The following CYP26C1 variants were observed in gnomAD, a reference collection of about 807,000 sequenced individuals.
The protein encoded by CYP26C1 is cytochrome P450 family 26 subfamily C member 1.
A neutral mutation model predicts 39.1 loss-of-function variants in CYP26C1; 41 were observed. The observed-to-expected ratio is 1.05, with a 90% confidence interval of 0.82 to 1.36. CYP26C1 has a LOEUF of 1.36. Ranked by LOEUF, CYP26C1 falls within the 40% of genes most tolerant of loss-of-function variation. The pLI is 0.00. For missense variants in CYP26C1, 833 were observed against 752.0 expected, an observed-to-expected ratio of 1.11 and a Z score of -1.26; for synonymous variants, 362 against 350.8, an observed-to-expected ratio of 1.03 and a Z score of -0.36.
At chr10:93,062,361 G>A (rs1271694811) in intron 2 of CYP26C1, 127 bp downstream of exon 2, 3 of 1,018,020 alleles carry the variant, frequency 2.9e-6, no homozygotes, top group Non-Finnish European at 4.2e-6. Context: ...GTAACTAGCG[G>A]GTGGCCTTGG....
At chr10:93,068,229 C>T (rs1846851533) in intron 5 of CYP26C1, 91 bp from the exon 6 acceptor site, 2 of 1,404,942 alleles carry the variant, frequency 1.4e-6, no homozygotes, top group Admixed American at 2.9e-5. Context: ...TTTTCGGAAG[C>T]CTGATGGAAG....
At chr10:93,061,577 T>C in intron 1 of CYP26C1, 110 bp downstream of exon 1, 1 of 1,364,700 alleles carries the variant, frequency 7.3e-7, no homozygotes, top group Non-Finnish European at 1.0e-6. Flanking sequence ...TCCCTGCCCA[T>C]CGCCCACGAC....
intron 3 of CYP26C1, 129 bp downstream of exon 3, chr10:93,063,124 CG>C: frequency 7.0e-7 from 1 of 1,424,810 alleles, no homozygotes; most frequent in Non-Finnish European, 9.1e-7. Flanking sequence ...CGGCAGGGCC[CG>C]GGGGTGGGAG....
chr10:93,063,602 C>T (rs1259598306), intron 3 of CYP26C1: 26 of 985,614 alleles, frequency 2.6e-5, no homozygotes, highest in Non-Finnish European at 3.0e-5. Context: ...TGGGACTTCC[C>T]ACTGTTTGAT....
Position 93,068,900 on chromosome 10 carries a change from C to G in CYP26C1, c.*203C>G. 1 of 921,594 alleles carries G rather than the reference C, an allele frequency of 1.1e-6. No homozygotes were observed. The highest frequency in any genetic ancestry group is 3.1e-5 in the East Asian group (1 of 32,320). 57.1% of individuals were successfully genotyped at this position (921,594 alleles called of 1,614,324 possible). On this transcript the variant is annotated 3_prime_UTR_variant, in exon 6 of 6. Coordinates refer to ENST00000651965, the MANE Select transcript of CYP26C1 (RefSeq NM_183374.3). ...CACCGCTGCCGCGCCAGAGAAGCAT[C>G]TAAGCCCATGGGAAGATGCCTTCTG...
Position 93,061,287 on chromosome 10 carries a change from C to T in CYP26C1, c.24C>T (p.Cys8=), listed in dbSNP as rs1220486359. 6.3e-6 allele frequency: 10 copies of T among 1,591,722 alleles called. No homozygotes were observed. Among genetic ancestry groups the T allele is most frequent in the Non-Finnish European group, 8.5e-6 (10 of 1,170,610 alleles). ...TCATGTTCCCTTGGGGGCTGAGCTG[C>T]CTGTCAGTGCTGGGGGCGGCGGGCA... The part of the protein sequence containing the change: MFPWGLS[C]LSVLGAAGTA... The change falls in exon 1 of 6, where the codon TGC becomes TGT. Residue 8 remains cysteine (C), a synonymous_variant. Coordinates refer to ENST00000651965, the MANE Select transcript of CYP26C1 (RefSeq NM_183374.3).
chr10:93,066,074 T>C lies in CYP26C1; in HGVS notation c.980T>C (p.Val327Ala). The change falls in exon 5 of 6, where the codon GTG becomes GCG. Residue 327 changes from valine (V) to alanine (A), a missense_variant. Val to Ala is a moderately conservative substitution (Grantham distance 64). Transcript: ENST00000651965. ...AAIAKIREEL[V>A]AQGLGRACGC... ...ATCGCCAAGATTCGGGAGGAGCTGG[T>C]GGCGCAGGGGCTGGGGCGCGCGTGC... 1.3e-6 allele frequency: 2 copies of C among 1,483,226 alleles called. No individual in the cohort carries two copies. Among genetic ancestry groups the C allele is most frequent in the Non-Finnish European group, 1.8e-6 (2 of 1,119,784 alleles). 91.9% of individuals were successfully genotyped at this position (1,483,226 alleles called of 1,614,324 possible). A position where few individuals can be genotyped will look rare whatever the true frequency, so the allele number is the denominator to read the frequency against.
Position 93,061,231 on chromosome 10 carries a change from C to A in CYP26C1, c.-33C>A, listed in dbSNP as rs1484902851. The A allele has an allele frequency of 1.3e-6, 2 of 1,542,624 alleles. No individual in the cohort carries two copies. The highest frequency in any genetic ancestry group is 1.7e-6 in the Non-Finnish European group (2 of 1,146,964). ...GTTCTTGCGTCCCCTGCTCTCCCTG[C>A]GCTCTGAGCGGCCTGGCCCCCGCGG... On this transcript the variant is annotated 5_prime_UTR_variant, in exon 1 of 6. Transcript: ENST00000651965.
At position 93,069,053 on chromosome 10, in the gene CYP26C1, A is replaced by G; in HGVS notation, c.*356A>G. ...TCCAGGGAGGGTGCATGGATGGGGG[A>G]AGGCGAGGTAGGGGTGGCAGGGGAG... is the stretch of plus-strand genomic sequence containing the variant. On this transcript the variant is annotated 3_prime_UTR_variant, in exon 6 of 6. Transcript: ENST00000651965. 1 of 219,018 alleles carries G rather than the reference A, an allele frequency of 4.6e-6. No individual in the cohort carries two copies. Among genetic ancestry groups the G allele is most frequent in the Non-Finnish European group, 8.9e-6 (1 of 112,088 alleles). 13.6% of individuals were successfully genotyped at this position (219,018 alleles called of 1,614,324 possible). A position where few individuals can be genotyped will look rare whatever the true frequency, so the allele number is the denominator to read the frequency against.
In CYP26C1 at chr10:93,069,071, C is replaced by T. The variant is rs1251413316; in HGVS notation, c.*374C>T. On this transcript the variant is annotated 3_prime_UTR_variant, in exon 6 of 6. Coordinates refer to ENST00000651965, the MANE Select transcript of CYP26C1 (RefSeq NM_183374.3). ...ATGGGGGAAGGCGAGGTAGGGGTGGCAGGGGAGTGGGAATATTGCAACTCG... is the reference window on the plus strand; with the variant it reads ...ATGGGGGAAGGCGAGGTAGGGGTGGTAGGGGAGTGGGAATATTGCAACTCG... 1 of 195,986 alleles carries T rather than the reference C, an allele frequency of 5.1e-6. No individual in the cohort carries two copies. Among genetic ancestry groups the T allele is most frequent in the Non-Finnish European group, 1.0e-5 (1 of 97,298 alleles). 12.1% of individuals were successfully genotyped at this position (195,986 alleles called of 1,614,324 possible).
chr10:93,062,809 C>T lies in CYP26C1; in HGVS notation c.519C>T (p.Cys173=), dbSNP rs772184784. The T allele has an allele frequency of 6.4e-7, 1 of 1,553,888 alleles. No individual in the cohort carries two copies. Among genetic ancestry groups the T allele is most frequent in the South Asian group, 1.2e-5 (1 of 86,042 alleles). Reference sequence around the variant, plus strand: ...TGCGGCATGAGGTGCGCTCCTGGTGCGCGGCGGGCGGGCCGGTCTCAGTCT... The same window carrying T: ...TGCGGCATGAGGTGCGCTCCTGGTGTGCGGCGGGCGGGCCGGTCTCAGTCT... ...GALRHEVRSW[C]AAGGPVSVYD... The change falls in exon 3 of 6, where the codon TGC becomes TGT. Residue 173 remains cysteine (C), a synonymous_variant. Transcript: ENST00000651965.
At position 93,064,527 on chromosome 10, in the gene CYP26C1, G is replaced by T; in HGVS notation, c.852G>T (p.Gln284His). The stretch of plus-strand genomic sequence containing the variant: ...AGCTGGGCCATGAGCCCTCCATGCA[G>T]GAGCTGAAGGTAGGTGCTGACAGGC... ...ARELGHEPSMQELKESAVELL... is the reference protein window; with the variant it reads ...ARELGHEPSMHELKESAVELL... The change falls in exon 4 of 6, where the codon CAG (glutamine) becomes CAT (histidine). Residue 284 changes from glutamine to histidine, a missense_variant. Physicochemically the swap from Gln to His is conservative, Grantham distance 24 (BLOSUM62 0). Transcript: ENST00000651965. The T allele has an allele frequency of 6.2e-7, 1 of 1,609,452 alleles. No individual in the cohort carries two copies. Among genetic ancestry groups the T allele is most frequent in the Non-Finnish European group, 8.5e-7 (1 of 1,176,224 alleles).
At chr10:93,064,164 G>A in intron 3 of CYP26C1, 1 of 1,328,568 alleles carries the variant, frequency 7.5e-7, no homozygotes, top group East Asian at 2.8e-5. Flanking sequence ...GCTCAGAGGG[G>A]GATTGTGATA....
chr10:93,068,708 C>T lies in CYP26C1; in HGVS notation c.*11C>T, dbSNP rs1302915880. ...GGGCTATGCCTCTGACATGCTTGCG[C>T]TCTAGGACACGGCTTGGCCGGTGGC... On this transcript the variant is annotated 3_prime_UTR_variant, in exon 6 of 6. Transcript: ENST00000651965. 2.6e-6 allele frequency: 4 copies of T among 1,513,876 alleles called. No individual in the cohort carries two copies. Among genetic ancestry groups the T allele is most frequent in the Non-Finnish European group, 3.5e-6 (4 of 1,129,208 alleles). 93.8% of individuals were successfully genotyped at this position (1,513,876 alleles called of 1,614,324 possible).
chr10:93,068,798 C>G lies in CYP26C1; in HGVS notation c.*101C>G. 3.5e-6 allele frequency: 5 copies of G among 1,415,096 alleles called. No individual in the cohort carries two copies. The highest frequency in any genetic ancestry group is 3.7e-6 in the Non-Finnish European group (4 of 1,081,396). 87.7% of individuals were successfully genotyped at this position (1,415,096 alleles called of 1,614,324 possible). The stretch of plus-strand genomic sequence containing the variant: ...TTGTAGCGTCGCGCGCCCACTCTTT[C>G]ACTCGTTCAACAATCTTTCAACAAA... On this transcript the variant is annotated 3_prime_UTR_variant, in exon 6 of 6. Transcript: ENST00000651965.
rs142560832 is a variant in CYP26C1 at position 93,065,006 on chromosome 10, G to A, written c.861+470G>A. Among the ~76,000 whole-genome samples the A allele has an allele frequency of 1.6e-3, 251 of 152,220 alleles. 3 individuals carry two copies. Among genetic ancestry groups the A allele is most frequent in the Middle Eastern group, 3.4e-3 (1 of 294 alleles). On this transcript the variant is annotated intron_variant, in intron 4 of 5. Transcript: ENST00000651965. ...CTTCTATGAGCTACCTTGGCACCTGGTACCTCTATCCGTCTGTCTTGTTGC... is the reference window on the plus strand; with the variant it reads ...CTTCTATGAGCTACCTTGGCACCTGATACCTCTATCCGTCTGTCTTGTTGC...
rs200442762 is a variant in CYP26C1 at position 93,066,227 on chromosome 10, G to A, written c.1133G>A (p.Arg378His). ...GACTGCGTGGTCAAGGAGGTGCTGC[G>A]CCTCCTGCCGCCAGTGTCCGGGGGC... is the stretch of plus-strand genomic sequence containing the variant. Reference protein sequence around the residue: ...YVDCVVKEVLRLLPPVSGGYR... With the variant: ...YVDCVVKEVLHLLPPVSGGYR... Residue 378 changes from arginine to histidine, a missense_variant, in exon 5 of 6, where the codon CGC (arginine) becomes CAC (histidine). Coordinates refer to ENST00000651965, the MANE Select transcript of CYP26C1 (RefSeq NM_183374.3). 583 of 1,471,898 alleles carry A rather than the reference G, an allele frequency of 4.0e-4. No individual in the cohort carries two copies. Among genetic ancestry groups the A allele is most frequent in the Admixed American group, 6.0e-4 (27 of 45,244 alleles). The allele number at this position is 1,471,898 out of a possible 1,614,324, so 91.2% of individuals were successfully genotyped here.
At position 93,064,544 on chromosome 10, in the gene CYP26C1, C is replaced by A. The variant is rs753886920; in HGVS notation, c.861+8C>A. 1 of 1,608,802 alleles carries A rather than the reference C, an allele frequency of 6.2e-7. No homozygotes were observed. Among genetic ancestry groups the A allele is most frequent in the African/African-American group, 1.3e-5 (1 of 74,932 alleles). On this transcript the variant is annotated splice_region_variant and intron_variant, in intron 4 of 5. Coordinates refer to ENST00000651965, the MANE Select transcript of CYP26C1 (RefSeq NM_183374.3). ...TCCATGCAGGAGCTGAAGGTAGGTG[C>A]TGACAGGCCGCTCCTTCTCCCCTCT...
intron 4 of CYP26C1, 148 bp from the exon 5 acceptor site, chr10:93,065,807 AC>A (rs1218374115): frequency 1.5e-6 from 1 of 669,136 alleles, no homozygotes; most frequent in African/African-American, 1.9e-5. Context: ...AAAACCGTAC[AC>A]ACAGTCGCGG....
Sources: gnomAD v4.1 joint callset for allele counts (sites outside exome capture counted in the v4.1 genomes callset) on GRCh38, gnomAD v4.1.1 for gene constraint, MANE v1.5 for transcripts, NCBI Gene and HGNC (gene_info 2026-07-23, HGNC 2026-07-21) for gene names.